The following GSK3B variants were observed in gnomAD, a reference collection of about 807,000 sequenced individuals.
GSK3B encodes the protein glycogen synthase kinase-3 beta.
GSK3B carries 15 observed loss-of-function variants against 56.4 expected under a neutral mutation model. The ratio of observed to expected loss-of-function variants is 0.27; its 90% confidence interval spans 0.18 to 0.41. The LOEUF is 0.41. Among genes scored for constraint, GSK3B ranks in the 10% least tolerant of loss-of-function variants. The pLI, the probability that GSK3B is intolerant of heterozygous loss-of-function variation, is 1.00. For synonymous variants in GSK3B, 181 were observed against 188.9 expected, an observed-to-expected ratio of 0.96 and a Z score of 0.34; for missense variants, 300 against 513.4, an observed-to-expected ratio of 0.58 and a Z score of 4.02.
At chr3:119,919,251 T>C (rs1349007204) in intron 4 of GSK3B, among the ~76,000 whole-genome samples, 2 of 152,172 alleles carry the variant, frequency 1.3e-5, no homozygotes, top group South Asian at 2.1e-4. Flanking sequence ...GTAACATGTA[T>C]GCCAAACAAG....
intron 8 of GSK3B, among the ~76,000 whole-genome samples, chr3:119,865,375 C>A (rs1429345181): frequency 7.4e-6 from 1 of 134,928 alleles, no homozygotes; most frequent in Non-Finnish European, 1.6e-5. Flanking sequence ...AAAAAAATTT[C>A]TTATTTTCAA....
At chr3:119,960,151 C>CAAAAAAA (rs574956694) in intron 2 of GSK3B, among the ~76,000 whole-genome samples, 41 of 74,522 alleles carry the variant, frequency 5.5e-4, no homozygotes, top group Middle Eastern at 0.013. Flanking sequence ...TATGCTGAGA[C>CAAAAAAA]AAAAAAAAAA....
chr3:120,078,187 T>A lies in GSK3B; in HGVS notation c.88+15160A>T, dbSNP rs149161155. ...ATGGTCCACAGCAGCATTTCTCACC[T>A]CTTTCCTAGACTTTAGAAAGTCTAG... is the stretch of plus-strand genomic sequence containing the variant. On this transcript the variant is annotated intron_variant, in intron 1 of 10. Coordinates refer to ENST00000264235, the MANE Select transcript of GSK3B (RefSeq NM_001146156.2). Among the ~76,000 whole-genome samples, 6 of 152,262 alleles carry A rather than the reference T, an allele frequency of 3.9e-5. No individual in the cohort carries two copies. The East Asian group carries it at 1.2e-3, about 29-fold the overall frequency.
At chr3:119,932,091 A>T (rs1184737228) in intron 3 of GSK3B, among the ~76,000 whole-genome samples, 2 of 152,232 alleles carry the variant, frequency 1.3e-5, no homozygotes, top group East Asian at 3.8e-4. Context: ...ATCTCCAGAT[A>T]ACTTCTGAGG....
Position 119,824,764 on chromosome 3 carries a change from GT to G in GSK3B, c.*2023del, listed in dbSNP as rs1003982390. Reference sequence around the variant, plus strand: ...CTCATAAACTCTGATATATCCAGAGGTTTGTGAAACCCCTTTTGTGGCCCAA... The same window carrying G: ...CTCATAAACTCTGATATATCCAGAGGTTGTGAAACCCCTTTTGTGGCCCAA... On this transcript the variant is annotated 3_prime_UTR_variant, in exon 11 of 11. Transcript: ENST00000264235. 1 of 188,376 alleles carries G rather than the reference GT, an allele frequency of 5.3e-6. No individual in the cohort carries two copies. The highest frequency in any genetic ancestry group is 2.3e-5 in the African/African-American group (1 of 42,802). 11.7% of individuals were successfully genotyped at this position (188,376 alleles called of 1,614,324 possible). A position where few individuals can be genotyped will look rare whatever the true frequency, so the allele number is the denominator to read the frequency against.
intron 2 of GSK3B, among the ~76,000 whole-genome samples, chr3:119,961,795 C>CA (rs940067447): frequency 6.6e-6 from 1 of 152,160 alleles, no homozygotes; most frequent in African/African-American, 2.4e-5. Flanking sequence ...TTCAACCTTA[C>CA]AATGGTGTTT....
At chr3:119,968,623 A>G (rs1286623508) in intron 2 of GSK3B, among the ~76,000 whole-genome samples, 1 of 152,216 alleles carries the variant, frequency 6.6e-6, no homozygotes, top group East Asian at 1.9e-4. Flanking sequence ...GATAAAGTAC[A>G]ATAAAAAACT....
intron 1 of GSK3B, among the ~76,000 whole-genome samples, chr3:120,005,142 G>A (rs2057715593): frequency 6.6e-6 from 1 of 152,008 alleles, no homozygotes; most frequent in Non-Finnish European, 1.5e-5. Flanking sequence ...ACAAGCTTCA[G>A]TAGCTGATTC....
chr3:119,858,279 C>CG (rs2056048676), intron 9 of GSK3B, among the ~76,000 whole-genome samples: 1 of 152,230 alleles, frequency 6.6e-6, no homozygotes, highest in African/African-American at 2.4e-5. Context: ...TAGATGGCAT[C>CG]TTCTTCCAAT....
intron 2 of GSK3B, among the ~76,000 whole-genome samples, chr3:119,995,016 G>A (rs1295371013): frequency 1.3e-5 from 2 of 152,052 alleles, no homozygotes; most frequent in East Asian, 3.9e-4. Flanking sequence ...ATACTTAAAA[G>A]TTGCACTCAA....
intron 2 of GSK3B, among the ~76,000 whole-genome samples, chr3:119,982,417 G>A (rs181069769): frequency 2.6e-5 from 4 of 152,282 alleles, no homozygotes; most frequent in East Asian, 3.9e-4. Flanking sequence ...AGACTTCTCC[G>A]AGTTAAAGGA....
chr3:120,053,195 G>T (rs568861165), intron 1 of GSK3B, among the ~76,000 whole-genome samples: 38 of 152,204 alleles, frequency 2.5e-4, no homozygotes, highest in African/African-American at 9.1e-4. Flanking sequence ...AAATTAGCCG[G>T]GTGTGTTGGC....
intron 1 of GSK3B, among the ~76,000 whole-genome samples, chr3:120,014,621 A>G (rs1166568237): frequency 6.6e-6 from 1 of 152,232 alleles, no homozygotes. Context: ...GGCAATTTCT[A>G]TGTAAACTTC....
At chr3:119,899,828 A>C (rs907519554) in intron 7 of GSK3B, among the ~76,000 whole-genome samples, 1 of 152,032 alleles carries the variant, frequency 6.6e-6, no homozygotes, top group African/African-American at 2.4e-5. Flanking sequence ...CCTTCCCTTA[A>C]TTCTATTCTC....
intron 8 of GSK3B, among the ~76,000 whole-genome samples, chr3:119,869,235 A>AAC (rs1347359938): frequency 8.0e-5 from 12 of 150,250 alleles, no homozygotes; most frequent in Non-Finnish European, 1.6e-4. Context: ...AAAAAAAAAA[A>AAC]AAAAAAAAAA....
chr3:120,003,640 T>G (rs956617999), intron 1 of GSK3B, among the ~76,000 whole-genome samples: 2 of 152,240 alleles, frequency 1.3e-5, no homozygotes, highest in Non-Finnish European at 2.9e-5. Flanking sequence ...GATAAATGAA[T>G]ATCCAAATGC....
chr3:120,027,696 A>G (rs2057939840), intron 1 of GSK3B, among the ~76,000 whole-genome samples: 1 of 152,224 alleles, frequency 6.6e-6, no homozygotes, highest in African/African-American at 2.4e-5. Context: ...GAAAAAGCAG[A>G]GTATATAGCT....
chr3:119,923,508 A>G (rs776541501), intron 3 of GSK3B, 25 bp from the exon 4 acceptor site: 53 of 1,182,466 alleles, frequency 4.5e-5, no homozygotes, highest in Non-Finnish European at 6.4e-5. Context: ...TTAAAAAAAC[A>G]AAAAACAAAA....
chr3:120,091,518 T>C (rs557787250), intron 1 of GSK3B, among the ~76,000 whole-genome samples: 2 of 152,300 alleles, frequency 1.3e-5, no homozygotes, highest in African/African-American at 2.4e-5. Context: ...AGTCCCAAAA[T>C]GTAGCATTAT....
Sources: allele counts gnomAD v4.1 joint callset (sites outside exome capture counted in the v4.1 genomes callset), GRCh38; gene constraint gnomAD v4.1.1; transcripts MANE v1.5; gene names NCBI Gene and HGNC (gene_info 2026-07-23, HGNC 2026-07-21).